The following MT4 variants were observed in gnomAD, a reference collection of about 807,000 sequenced individuals.
The protein encoded by MT4 is metallothionein 4.
Under a neutral mutation model 9.5 loss-of-function variants are expected in MT4, and 11 were observed. That is an observed-to-expected ratio of 1.16 (90% CI 0.73 to 1.92). MT4 has a LOEUF of 1.92. Among genes scored for constraint, MT4 ranks in the 30% most tolerant of loss-of-function variants. The pLI is 0.00. For synonymous variants in MT4, 29 were observed against 24.6 expected (o/e 1.18, Z -0.53); for missense variants, 88 against 78.7 (o/e 1.12, Z -0.45).
chr16:56,567,231 C>T (rs1959547825), intron 1 of MT4, among the ~76,000 whole-genome samples: 5 of 151,772 alleles, frequency 3.3e-5, no homozygotes, highest in Admixed American at 2.0e-4. Flanking sequence ...TCCATGTTGG[C>T]CAAGCTGATC....
rs199881673 is a variant in MT4 at position 56,566,831 on chromosome 16, G to GA, written c.32-917dup. Among the ~76,000 whole-genome samples, 950 of 109,610 alleles carry GA rather than the reference G, an allele frequency of 8.7e-3. 11 individuals are homozygous for GA. Among genetic ancestry groups the GA allele is most frequent in the African/African-American group, 0.031 (901 of 28,748 alleles). The allele number at this position is 109,610 out of a possible 152,430, so 71.9% of individuals were successfully genotyped here. ...GAAAGAAAGAAAGAAAAGAAAGAAA[G>GA]AAAGAAAGAAAGAAAGAAAGAAAGA... On this transcript the variant is annotated intron_variant, in intron 1 of 2. Coordinates refer to ENST00000219162, the MANE Select transcript of MT4 (RefSeq NM_032935.3).
At chr16:56,566,736 AAG>A (rs1436263938) in intron 1 of MT4, among the ~76,000 whole-genome samples, 9 of 23,382 alleles carry the variant, frequency 3.8e-4, no homozygotes, top group Admixed American at 1.9e-3. Flanking sequence ...GAAAGAAAGA[AAG>A]AAAGAAAGAA....
At chr16:56,566,828 AAAGAAAGAAAG>A (rs1959540773) in intron 1 of MT4, among the ~76,000 whole-genome samples, 2 of 124,066 alleles carry the variant, frequency 1.6e-5, no homozygotes, top group South Asian at 2.7e-4. Flanking sequence ...GAAAAGAAAG[AAAGAAAGAAAG>A]AAAGAAAGAA....
intron 2 of MT4, 60 bp from the exon 3 acceptor site, chr16:56,568,781 G>A: frequency 1.7e-6 from 2 of 1,176,118 alleles, no homozygotes; most frequent in Non-Finnish European, 2.4e-6. Flanking sequence ...AGTGGGAGGG[G>A]CAGTGGTGAG....
chr16:56,566,659 GAA>G (rs1254983525), intron 1 of MT4, among the ~76,000 whole-genome samples: 1 of 145,504 alleles, frequency 6.9e-6, no homozygotes, highest in East Asian at 2.0e-4. Context: ...AAAAGAGAGA[GAA>G]AGACAGGGAG....
intron 2 of MT4, among the ~76,000 whole-genome samples, 159 bp downstream of exon 2, chr16:56,567,975 A>G (rs866474524): frequency 5.9e-5 from 9 of 151,792 alleles, no homozygotes; most frequent in Admixed American, 4.6e-4. Flanking sequence ...CAACATGGTG[A>G]AACCCCATCT....
At chr16:56,568,219 GAAAGAAAGAAAGAAAGAA>G (rs1959566208) in intron 2 of MT4, among the ~76,000 whole-genome samples, 1 of 23,230 alleles carries the variant, frequency 4.3e-5, no homozygotes, top group Admixed American at 4.8e-4. Flanking sequence ...GAGAGAGAAA[GAAAGAAAGAAAGAAAGAA>G]AGAAAGAAAG....
intron 2 of MT4, among the ~76,000 whole-genome samples, chr16:56,568,262 AG>A (rs1959573939): frequency 3.2e-4 from 28 of 88,522 alleles, no homozygotes; most frequent in East Asian, 7.0e-4. Context: ...AAAGAAAGAG[AG>A]AGAGAGAGAG....
At chr16:56,568,170 A>C in intron 2 of MT4, among the ~76,000 whole-genome samples, 1 of 146,778 alleles carries the variant, frequency 6.8e-6, no homozygotes, top group Non-Finnish European at 1.5e-5. Flanking sequence ...AAAGGAAGGA[A>C]GGAAGAAAGG....
rs540483164 is a variant in MT4, at chr16:56,568,587, C to T, written c.98-254C>T. 9.9e-4 allele frequency among the ~76,000 whole-genome samples: 150 copies of T among 152,252 alleles called. 1 individual carries two copies. The highest frequency in any genetic ancestry group is 1.6e-3 in the Non-Finnish European group (106 of 68,018). On this transcript the variant is annotated intron_variant, in intron 2 of 2. Coordinates refer to ENST00000219162, the MANE Select transcript of MT4 (RefSeq NM_032935.3). ...GGAGTCATGAGCCCTAGGTTCTAGT[C>T]TTGCTTTTGCCACTGTCTCATGACC...
intron 2 of MT4, 83 bp from the exon 3 acceptor site, chr16:56,568,758 A>T (rs1959585957): frequency 2.1e-6 from 2 of 947,174 alleles, no homozygotes. Flanking sequence ...CTCTTTTCCT[A>T]CTTCCTCTAA....
intron 1 of MT4, among the ~76,000 whole-genome samples, chr16:56,565,818 C>G (rs968302262): frequency 1.8e-4 from 27 of 152,138 alleles, no homozygotes; most frequent in Non-Finnish European, 3.2e-4. Context: ...GTAGTCCCAG[C>G]ACTTTGAGGC....
chr16:56,567,998 C>A (rs1413885853), intron 2 of MT4, among the ~76,000 whole-genome samples, 182 bp downstream of exon 2: 1 of 151,584 alleles, frequency 6.6e-6, no homozygotes, highest in South Asian at 2.1e-4. Flanking sequence ...ACTAAAAATA[C>A]AATAATTAGC....
At position 56,566,158 on chromosome 16, in the gene MT4, A is replaced by G. The variant is rs553435095; in HGVS notation, c.31+999A>G. ...GATGTCTCTGTACCAAAAACTTGCA[A>G]AAGAGGCAGAAGCTTCCAGCATTTT... On this transcript the variant is annotated intron_variant, in intron 1 of 2. Coordinates refer to ENST00000219162, the MANE Select transcript of MT4 (RefSeq NM_032935.3). 5.9e-5 allele frequency among the ~76,000 whole-genome samples: 9 copies of G among 152,304 alleles called. No individual in the cohort carries two copies. The East Asian group carries it at 1.7e-3, about 29-fold the overall frequency.
At chr16:56,567,306 G>C (rs754474947) in intron 1 of MT4, among the ~76,000 whole-genome samples, 1 of 152,042 alleles carries the variant, frequency 6.6e-6, no homozygotes, top group Non-Finnish European at 1.5e-5. Flanking sequence ...TTACAGACGT[G>C]AGCCACTGTG....
At chr16:56,568,376 T>A (rs930040438) in intron 2 of MT4, among the ~76,000 whole-genome samples, 26 of 151,242 alleles carry the variant, frequency 1.7e-4, no homozygotes, top group Admixed American at 7.9e-4. Flanking sequence ...CATGGTGGAT[T>A]GGGGCTTGTG....
At chr16:56,566,842 AG>A in intron 1 of MT4, among the ~76,000 whole-genome samples, 1 of 140,918 alleles carries the variant, frequency 7.1e-6, no homozygotes, top group African/African-American at 2.5e-5. Context: ...AAAGAAAGAA[AG>A]AAAGAAAGAA....
chr16:56,567,456 C>T (rs1457826297), intron 1 of MT4, among the ~76,000 whole-genome samples: 2 of 152,194 alleles, frequency 1.3e-5, no homozygotes, highest in Admixed American at 6.5e-5. Flanking sequence ...CATTTCCCCA[C>T]CAAGACTTAT....
chr16:56,567,271 G>A (rs540286470), intron 1 of MT4, among the ~76,000 whole-genome samples: 1 of 152,040 alleles, frequency 6.6e-6, no homozygotes, highest in South Asian at 2.1e-4. Context: ...TGATTCACCT[G>A]TCTTGGCCTC....
Sources: gnomAD v4.1 joint callset for allele counts (sites outside exome capture counted in the v4.1 genomes callset) on GRCh38, gnomAD v4.1.1 for gene constraint, MANE v1.5 for transcripts, NCBI Gene and HGNC (gene_info 2026-07-23, HGNC 2026-07-21) for gene names.